Variants in ADA2 observed in about 807,000 individuals in gnomAD.
ADA2 encodes adenosine deaminase 2, also known as adenosine deaminase CECR1.
In ADA2, 29 loss-of-function variants were observed where a neutral mutation model predicts 44.2. That is an observed-to-expected ratio of 0.66 (90% CI 0.49 to 0.89). ADA2 has a LOEUF of 0.89. ADA2 is among the 40% of genes least tolerant of loss of function. The pLI, the probability that ADA2 is intolerant of heterozygous loss-of-function variation, is 0.00. For synonymous variants in ADA2, 215 were observed against 234.9 expected (o/e 0.92, Z 0.77); for missense variants, 637 against 644.8 (o/e 0.99, Z 0.13).
chr22:17,205,680 A>G (rs1239802958), intron 3 of ADA2, among the ~76,000 whole-genome samples: 1 of 152,212 alleles, frequency 6.6e-6, no homozygotes, highest in Non-Finnish European at 1.5e-5. Flanking sequence ...CACTTATAAT[A>G]TTACTATACA....
In ADA2 at chr22:17,203,701, C is replaced by T. The variant is rs373985143; in HGVS notation, c.615G>A (p.Ser205=). 5.0e-6 allele frequency: 8 copies of T among 1,614,136 alleles called. No individual in the cohort carries two copies. Among genetic ancestry groups the T allele is most frequent in the Admixed American group, 3.3e-5 (2 of 60,014 alleles). Residue 205 remains serine, a synonymous_variant, in exon 4 of 10, where the codon TCG becomes TCA. Transcript: ENST00000399837. The part of the protein sequence containing the change: ...VIYTNQNVVW[S]KFETIFFTIS... ...TGGTGAAGAAGATGGTTTCAAATTT[C>T]GACCAGACAACATTTTGGTTTGTGT...
At chr22:17,199,438 T>TCTTCCCCTCCCTCCCCACCTCTATCCA in intron 4 of ADA2, 5 of 995,452 alleles carry the variant, frequency 5.0e-6, no homozygotes, top group Non-Finnish European at 6.4e-6. Context: ...TCCTCTATCC[T>TCTTCCCCTCCCTCCCCACCTCTATCCA]CTTCCCCTCC....
At chr22:17,203,445 TC>T in intron 4 of ADA2, 117 bp downstream of exon 4, 1 of 767,156 alleles carries the variant, frequency 1.3e-6, no homozygotes, top group Non-Finnish European at 2.2e-6. Flanking sequence ...AGGCACATGA[TC>T]CCTTGCACCA....
chr22:17,214,250 G>A (rs1040161581), intron 1 of ADA2: 1 of 363,538 alleles, frequency 2.8e-6, no homozygotes, highest in Non-Finnish European at 5.3e-6. Context: ...TAGAAACATG[G>A]CTTTACACAC....
At chr22:17,199,409 C>A in intron 4 of ADA2, 2 of 842,438 alleles carry the variant, frequency 2.4e-6, no homozygotes, top group Non-Finnish European at 2.0e-6. Flanking sequence ...GCCTCTGTCT[C>A]AGCGTCTCCT....
chr22:17,205,494 G>A (rs896273445), intron 3 of ADA2, among the ~76,000 whole-genome samples: 5 of 152,172 alleles, frequency 3.3e-5, no homozygotes, highest in African/African-American at 1.2e-4. Flanking sequence ...AATGAAGGGA[G>A]TGGAATGGAA....
chr22:17,204,779 G>A (rs960005977), intron 3 of ADA2, among the ~76,000 whole-genome samples: 24 of 146,856 alleles, frequency 1.6e-4, no homozygotes, highest in African/African-American at 4.5e-4. Flanking sequence ...AGAACCATGA[G>A]AAAATCAATT....
At chr22:17,217,740 G>A (rs371455366) in intron 1 of ADA2, among the ~76,000 whole-genome samples, 2 of 152,076 alleles carry the variant, frequency 1.3e-5, no homozygotes, top group Admixed American at 6.6e-5. Context: ...CCTGGGAGGC[G>A]GAGGTTTCAG....
chr22:17,183,483 C>T (rs145465530), intron 7 of ADA2, among the ~76,000 whole-genome samples: 1,131 of 109,810 alleles, frequency 0.01, 19 homozygotes, highest in African/African-American at 0.038. Flanking sequence ...TTTTTTGAGA[C>T]GGAGTCTTGC....
At chr22:17,221,509 G>A (rs1473404950), upstream of ADA2, among the ~76,000 whole-genome samples, 1 of 151,652 alleles carries the variant, frequency 6.6e-6, no homozygotes, top group East Asian at 1.9e-4. Flanking sequence ...CCAGGTCAAA[G>A]CTAAAGATCA....
intron 7 of ADA2, among the ~76,000 whole-genome samples, chr22:17,185,774 G>A (rs1334344020): frequency 1.3e-5 from 2 of 152,174 alleles, no homozygotes; most frequent in Non-Finnish European, 2.9e-5. Context: ...GAGAGAAGGT[G>A]TGATAGAGCA....
chr22:17,191,559 T>A (rs966628509), intron 5 of ADA2, 124 bp downstream of exon 5: 100 of 1,070,338 alleles, frequency 9.3e-5, no homozygotes, highest in Non-Finnish European at 1.0e-4. Flanking sequence ...CACAGCTCCT[T>A]GGCACCAGTG....
At chr22:17,190,155 G>A in intron 5 of ADA2, 123 bp from the exon 6 acceptor site, 1 of 724,612 alleles carries the variant, frequency 1.4e-6, no homozygotes, top group Non-Finnish European at 2.4e-6. Context: ...TCCCAAACCT[G>A]AGGCACCCCT....
chr22:17,210,609 T>C (rs1423302165), intron 1 of ADA2, among the ~76,000 whole-genome samples: 2 of 152,012 alleles, frequency 1.3e-5, no homozygotes, highest in African/African-American at 2.4e-5. Flanking sequence ...TAATTTTTGT[T>C]TTTTTTAAGA....
intron 4 of ADA2, chr22:17,199,494 C>T (rs1376571257): frequency 3.1e-5 from 40 of 1,308,720 alleles, no homozygotes; most frequent in Non-Finnish European, 4.0e-5. Context: ...GTTCCCTATG[C>T]ACTCCCACAC....
At chr22:17,214,174 A>C (rs1356109763) in intron 1 of ADA2, 1 of 652,484 alleles carries the variant, frequency 1.5e-6, no homozygotes, top group Non-Finnish European at 2.8e-6. Context: ...TGCCCCCAGT[A>C]GGGAGCAGCA....
Position 17,182,686 on chromosome 22 carries a change from A to T in ADA2, c.1157T>A (p.Phe386Tyr). The T allele has an allele frequency of 6.2e-7, 1 of 1,614,082 alleles. No individual in the cohort carries two copies. The highest frequency in any genetic ancestry group is 8.5e-7 in the Non-Finnish European group (1 of 1,180,030). ...GACTGCGGGGTGTTTGCTCAAAGCA[A>T]ATCCATGGCCGATTCTGGTAGTGTT... ...MLNTTRIGHG[F>Y]ALSKHPAVRT... Residue 386 changes from phenylalanine to tyrosine, a missense_variant, in exon 8 of 10, where the codon TTT (phenylalanine) becomes TAT (tyrosine). Phe to Tyr is a conservative substitution (Grantham distance 22, BLOSUM62 3). Transcript: ENST00000399837.
At chr22:17,188,886 T>TATATATATATATATATATATA (rs1491152456) in intron 6 of ADA2, among the ~76,000 whole-genome samples, 16 of 59,596 alleles carry the variant, frequency 2.7e-4, no homozygotes, top group Non-Finnish European at 5.0e-4. Context: ...TATATATATA[T>TATATATATATATATATATATA]TTTGTAAAGA....
chr22:17,202,278 C>A (rs113062815), intron 4 of ADA2, among the ~76,000 whole-genome samples: 2 of 151,970 alleles, frequency 1.3e-5, no homozygotes, highest in South Asian at 4.2e-4. Flanking sequence ...TACAGGCATG[C>A]GCCATCGCGC....
Sources: allele counts gnomAD v4.1 joint callset (sites outside exome capture counted in the v4.1 genomes callset), GRCh38; gene constraint gnomAD v4.1.1; transcripts MANE v1.5; gene names NCBI Gene and HGNC (gene_info 2026-07-23, HGNC 2026-07-21).